The following NAV2 variants were observed in gnomAD, a reference collection of about 807,000 sequenced individuals.
NAV2 encodes helicase, APC down-regulated 1.
A neutral mutation model predicts 223.2 loss-of-function variants in NAV2; 54 were observed. That is an observed-to-expected ratio of 0.24 (90% CI 0.19 to 0.30). NAV2 has a LOEUF of 0.30. NAV2 is among the 10% of genes least tolerant of loss of function. NAV2 has a pLI of 1.00. For synonymous variants in NAV2, 1,279 were observed against 1,239.3 expected, an observed-to-expected ratio of 1.03 and a Z score of -0.67; for missense variants, 2,806 against 3,147.5, an observed-to-expected ratio of 0.89 and a Z score of 2.60.
At position 20,093,166 on chromosome 11, in the gene NAV2, T is replaced by C; in HGVS notation, c.5883T>C (p.Val1961=). Residue 1961 remains valine (V), a synonymous_variant, in exon 29 of 38, where the codon GTT becomes GTC. Transcript: ENST00000349880. ...RKEGGRHVKI[V]VSFQEEMKWK... is the part of the protein sequence containing the mutation. ...AAGGAGGCAGGCATGTTAAGATAGTTGTCAGCTTTCAGGAGGAAATGAAGT... is the reference window on the plus strand; with the variant it reads ...AAGGAGGCAGGCATGTTAAGATAGTCGTCAGCTTTCAGGAGGAAATGAAGT... 6.2e-7 allele frequency: 1 copy of C among 1,614,042 alleles called. No homozygotes were observed. Among genetic ancestry groups the C allele is most frequent in the Non-Finnish European group, 8.5e-7 (1 of 1,179,946 alleles).
intron 1 of NAV2, among the ~76,000 whole-genome samples, chr11:19,380,070 A>G (rs1442996377): frequency 6.6e-6 from 1 of 152,204 alleles, no homozygotes; most frequent in Non-Finnish European, 1.5e-5. Context: ...CCTGCATAAC[A>G]CATCCCTTTT....
chr11:19,694,386 C>T (rs1964321), intron 1 of NAV2, among the ~76,000 whole-genome samples: 114,396 of 152,112 alleles, frequency 0.75, 44,080 homozygotes, highest in East Asian at 0.95. Flanking sequence ...GGCAGGCCTC[C>T]GAGCAAGCTC....
At chr11:19,811,137 G>T (rs1277078809) in intron 1 of NAV2, among the ~76,000 whole-genome samples, 2 of 152,212 alleles carry the variant, frequency 1.3e-5, no homozygotes, top group East Asian at 3.8e-4. Context: ...CTGTCTAGTT[G>T]CTTTCTAAAT....
intron 4 of NAV2, among the ~76,000 whole-genome samples, chr11:19,874,030 C>T (rs2062697697): frequency 1.3e-5 from 2 of 152,176 alleles, no homozygotes; most frequent in African/African-American, 2.4e-5. Flanking sequence ...CACAGCCCTC[C>T]CTTTGGCTTT....
Position 19,933,533 on chromosome 11 carries a change from T to C in NAV2, c.1289T>C (p.Leu430Pro), listed in dbSNP as rs561008915. Residue 430 changes from leucine (L) to proline (P), a missense_variant, in exon 7 of 38, where the codon CTG becomes CCG. By Grantham distance (98) the Leu-to-Pro change is moderately conservative. Transcript: ENST00000349880. The surrounding 1 kb of genome is among the most constrained non-coding windows in gnomAD (Gnocchi z 4.3). ...PGSRDTSCER[L>P]ETLPSFEESE... ...TCCCGGGACACAAGCTGTGAGCGGC[T>C]GGAGACTCTGCCCAGCTTCGAAGAG... is the stretch of plus-strand genomic sequence containing the variant. 1.7e-5 allele frequency: 28 copies of C among 1,610,264 alleles called. No individual in the cohort carries two copies. The African/African-American group carries it at 3.3e-4, about 19-fold the overall frequency.
chr11:19,476,164 G>A lies in NAV2; in HGVS notation c.75+125137G>A, dbSNP rs182927858. Among the ~76,000 whole-genome samples the A allele has an allele frequency of 7.4e-3, 1,129 of 152,182 alleles. 11 individuals carry two copies. The highest frequency in any genetic ancestry group is 0.026 in the African/African-American group (1,069 of 41,532). On this transcript the variant is annotated intron_variant, in intron 1 of 37. Transcript: ENST00000360655. ...TAATTTTTGTATTTTTAGTAGAGACGGGGTTTCACCATGTTGGCCAGGATG... is the reference window on the plus strand; with the variant it reads ...TAATTTTTGTATTTTTAGTAGAGACAGGGTTTCACCATGTTGGCCAGGATG...
rs142443478 is a variant in NAV2, at chr11:19,783,948, A to G, written c.268-48536A>G. On this transcript the variant is annotated intron_variant, in intron 1 of 37. Coordinates refer to ENST00000349880, the MANE Select transcript of NAV2 (RefSeq NM_145117.5). ...ATATATGAGTCAACAAAAAAGTTTC[A>G]TACCTATATTTTACTGGAAGAAAGA... Among the ~76,000 whole-genome samples the G allele has an allele frequency of 5.0e-3, 769 of 152,334 alleles. 6 individuals are homozygous for G. The highest frequency in any genetic ancestry group is 0.017 in the African/African-American group (725 of 41,576).
intron 6 of NAV2, among the ~76,000 whole-genome samples, chr11:19,913,183 G>C (rs1487802068): frequency 2.6e-5 from 4 of 152,200 alleles, no homozygotes; most frequent in African/African-American, 7.2e-5. Flanking sequence ...AAATAATTAG[G>C]GTACCTAATT....
intron 1 of NAV2, among the ~76,000 whole-genome samples, chr11:19,515,705 G>A: frequency 6.6e-6 from 1 of 152,198 alleles, no homozygotes; most frequent in Non-Finnish European, 1.5e-5. Context: ...ATAGTTTCCA[G>A]TTTTCCCTTG....
At chr11:19,528,596 G>A (rs1243712639) in intron 1 of NAV2, among the ~76,000 whole-genome samples, 3 of 151,736 alleles carry the variant, frequency 2.0e-5, no homozygotes, top group African/African-American at 7.3e-5. Flanking sequence ...TAGCCTTCAG[G>A]CTGCCAAGTA....
At chr11:19,350,151 T>C (rs1853229329), upstream of NAV2, among the ~76,000 whole-genome samples, 1 of 151,666 alleles carries the variant, frequency 6.6e-6, no homozygotes, top group Non-Finnish European at 1.5e-5. Context: ...GATAACTCAT[T>C]TCCAGCTCCG....
At chr11:19,386,996 G>A (rs903912835) in intron 1 of NAV2, among the ~76,000 whole-genome samples, 5 of 152,156 alleles carry the variant, frequency 3.3e-5, no homozygotes, top group African/African-American at 1.2e-4. Context: ...GTTACTGCCT[G>A]ATCCAGGACA....
intron 10 of NAV2, among the ~76,000 whole-genome samples, chr11:19,966,986 C>A (rs945229773): frequency 1.3e-5 from 2 of 152,250 alleles, no homozygotes; most frequent in East Asian, 3.9e-4. Flanking sequence ...ATTAATAATA[C>A]AGGTCGTGTT....
rs544180077 is a variant in NAV2, at chr11:19,874,036, G to C, written c.511+5039G>C. 8.5e-4 allele frequency among the ~76,000 whole-genome samples: 130 copies of C among 152,200 alleles called. 2 individuals carry two copies. Among genetic ancestry groups the C allele is most frequent in the African/African-American group, 3.0e-3 (126 of 41,518 alleles). ...TGTGGTTTGCACAGCCCTCCCTTTG[G>C]CTTTGAATCCCTTATACCCTACAAA... is the stretch of plus-strand genomic sequence containing the variant. On this transcript the variant is annotated intron_variant, in intron 4 of 37. Coordinates refer to ENST00000349880, the MANE Select transcript of NAV2 (RefSeq NM_145117.5).
At chr11:19,442,408 A>T (rs907836529) in intron 1 of NAV2, among the ~76,000 whole-genome samples, 6 of 152,248 alleles carry the variant, frequency 3.9e-5, no homozygotes, top group Admixed American at 3.9e-4. Context: ...ATACATAAGG[A>T]TAATTACGTC....
chr11:19,414,044 G>A (rs1252300415), intron 1 of NAV2, among the ~76,000 whole-genome samples: 2 of 152,152 alleles, frequency 1.3e-5, no homozygotes, highest in African/African-American at 4.8e-5. Flanking sequence ...GCATCATAAT[G>A]ACAGGATCAA....
rs1391648762 is a variant in NAV2, at chr11:19,828,601, A to C, written c.268-3883A>C. On this transcript the variant is annotated intron_variant, in intron 1 of 37. Transcript: ENST00000349880. ...CCTACAGGGCTCAGGTGATCCCCCC[A>C]CGTCAGCCTCCTCAGTAGCTGTGAC... 2.0e-5 allele frequency among the ~76,000 whole-genome samples: 3 copies of C among 152,298 alleles called. No individual in the cohort carries two copies. The East Asian group carries it at 5.8e-4, about 29-fold the overall frequency.
Position 20,045,485 on chromosome 11 carries a change from C to G in NAV2, c.3717C>G (p.Gly1239=). 1 of 1,614,168 alleles carries G rather than the reference C, an allele frequency of 6.2e-7. No individual in the cohort carries two copies. The highest frequency in any genetic ancestry group is 8.5e-7 in the Non-Finnish European group (1 of 1,180,028). Residue 1239 remains glycine (G), a synonymous_variant, in exon 14 of 38, where the codon GGC becomes GGG. Coordinates refer to ENST00000349880, the MANE Select transcript of NAV2 (RefSeq NM_145117.5). The part of the protein sequence containing the change: ...KLREPSKTAL[G]SSLPGLVNQT... ...GGGAGCCTTCCAAAACAGCCCTAGG[C>G]AGCTCTCTACCAGGTCTGGTCAACC...
intron 3 of NAV2, among the ~76,000 whole-genome samples, chr11:19,866,704 G>A (rs962800230): frequency 8.5e-5 from 13 of 152,222 alleles, no homozygotes; most frequent in African/African-American, 2.6e-4. Flanking sequence ...GAATATGTTG[G>A]TGGTTGTCTT....
Sources: gnomAD v4.1 joint callset for allele counts (sites outside exome capture counted in the v4.1 genomes callset) on GRCh38, gnomAD v4.1.1 for gene constraint, Gnocchi (gnomAD v3.1) non-coding constraint, MANE v1.5 for transcripts, NCBI Gene and HGNC (gene_info 2026-07-23, HGNC 2026-07-21) for gene names.